The following CASP6 variants were observed in gnomAD, a reference collection of about 807,000 sequenced individuals.
CASP6 encodes caspase-6.
A neutral mutation model predicts 31.8 loss-of-function variants in CASP6; 20 were observed. That is an observed-to-expected ratio of 0.63 (90% CI 0.44 to 0.91). The LOEUF is 0.91. Among genes scored for constraint, CASP6 ranks in the 40% least tolerant of loss-of-function variants. The pLI, the probability that CASP6 is intolerant of heterozygous loss-of-function variation, is 0.00. For missense variants in CASP6, 328 were observed against 361.1 expected (o/e 0.91, Z 0.74); for synonymous variants, 130 against 127.8 (o/e 1.02, Z -0.12).
upstream of CASP6, among the ~76,000 whole-genome samples, chr4:109,706,211 T>A (rs1730617347): frequency 7.4e-6 from 1 of 135,794 alleles, no homozygotes; most frequent in Non-Finnish European, 1.5e-5. Context: ...TATACATAGG[T>A]ATATGCATAT....
At chr4:109,694,869 G>C (rs1437718723) in intron 4 of CASP6, among the ~76,000 whole-genome samples, 169 bp from the exon 5 acceptor site, 1 of 152,142 alleles carries the variant, frequency 6.6e-6, no homozygotes, top group Non-Finnish European at 1.5e-5. Flanking sequence ...TTCACTCTTG[G>C]TGCCCAGGGC....
upstream of CASP6, among the ~76,000 whole-genome samples, chr4:109,706,268 T>A (rs796484778): frequency 6.7e-6 from 1 of 149,242 alleles, no homozygotes; most frequent in Non-Finnish European, 1.5e-5. Context: ...CCAATCCTCA[T>A]CACTGATGTT....
upstream of CASP6, chr4:109,703,712 A>G (rs530844768): frequency 2.7e-4 from 130 of 476,040 alleles, no homozygotes; most frequent in African/African-American, 2.5e-3. Flanking sequence ...CCGGGGGGAC[A>G]CACAGACCGC....
the CASP6 span, chr4:109,673,981 A>C: frequency 1.0e-6 from 1 of 954,504 alleles, no homozygotes. Context: ...TGGATTACAC[A>C]AACTGAAGAG....
At chr4:109,691,143 A>ACATT (rs1422601834) in intron 5 of CASP6, 134 bp from the exon 6 acceptor site, 2 of 915,702 alleles carry the variant, frequency 2.2e-6, no homozygotes, top group African/African-American at 3.5e-5. Flanking sequence ...CAGAAGCAAT[A>ACATT]CATTCAGGTT....
chr4:109,693,082 T>C (rs1251575015), intron 5 of CASP6, among the ~76,000 whole-genome samples: 1 of 152,132 alleles, frequency 6.6e-6, no homozygotes, highest in Non-Finnish European at 1.5e-5. Flanking sequence ...TCTGGTTACT[T>C]AAGAGAGTCT....
chr4:109,705,677 G>A (rs118109721), upstream of CASP6, among the ~76,000 whole-genome samples: 777 of 151,928 alleles, frequency 5.1e-3, 36 homozygotes, highest in East Asian at 0.069. Context: ...AAAGAAAAAC[G>A]AAAAATTAAA....
At position 109,689,169 on chromosome 4, in the gene CASP6, C is replaced by T. The variant is rs947322683; in HGVS notation, c.*161G>A. The T allele has an allele frequency of 1.9e-5, 12 of 643,878 alleles. No individual in the cohort carries two copies. Among genetic ancestry groups the T allele is most frequent in the East Asian group, 1.1e-4 (4 of 37,034 alleles). 39.9% of individuals were successfully genotyped at this position (643,878 alleles called of 1,614,324 possible). A position where few individuals can be genotyped will look rare whatever the true frequency, so the allele number is the denominator to read the frequency against. ...TTTTTTTTTGCATTTTTAGTAGAGA[C>T]GGGGCTTCTCCATGTTGGTCAGGCT... is the stretch of plus-strand genomic sequence containing the variant. On this transcript the variant is annotated 3_prime_UTR_variant, in exon 7 of 7. Transcript: ENST00000265164.
At chr4:109,708,867 A>G in the CASP6 span, among the ~76,000 whole-genome samples, 21 of 152,342 alleles carry the variant, frequency 1.4e-4, no homozygotes, top group East Asian at 3.5e-3. Context: ...TTACAAATGT[A>G]TAATTTTAGC....
chr4:109,685,262 C>T (rs1435490032), downstream of CASP6: 2 of 1,383,828 alleles, frequency 1.4e-6, no homozygotes, highest in Non-Finnish European at 2.1e-6. Flanking sequence ...ATTATACTTA[C>T]TCAGCTGTTA....
intron 2 of CASP6, 44 bp downstream of exon 2, chr4:109,698,256 C>T: frequency 5.1e-6 from 8 of 1,571,408 alleles, no homozygotes; most frequent in Non-Finnish European, 6.9e-6. Context: ...CTGATCATGA[C>T]CATCAAAGGA....
chr4:109,696,592 T>G, intron 3 of CASP6, 106 bp from the exon 4 acceptor site: 1 of 671,550 alleles, frequency 1.5e-6, no homozygotes, highest in Non-Finnish European at 2.5e-6. Flanking sequence ...TAAATTTGCT[T>G]TCTTTAGGAG....
At chr4:109,696,647 A>G (rs983789239) in intron 3 of CASP6, among the ~76,000 whole-genome samples, 161 bp from the exon 4 acceptor site, 4 of 152,234 alleles carry the variant, frequency 2.6e-5, no homozygotes, top group South Asian at 2.1e-4. Context: ...TTCATTCACC[A>G]TGGTCGGAAA....
chr4:109,687,597 A>G (rs1332809608), downstream of CASP6: 1 of 1,587,938 alleles, frequency 6.3e-7, no homozygotes, highest in Non-Finnish European at 8.6e-7. Context: ...AATTAATCTT[A>G]CAGTTTTAAA....
chr4:109,702,801 T>C (rs866408388), intron 1 of CASP6: 1 of 152,802 alleles, frequency 6.5e-6, no homozygotes, highest in African/African-American at 2.4e-5. Flanking sequence ...AGAAGAGAGA[T>C]ACCGGGGTGT....
At chr4:109,682,869 C>T in the CASP6 span, 2 of 662,688 alleles carry the variant, frequency 3.0e-6, no homozygotes, top group African/African-American at 1.9e-5. Flanking sequence ...CACAAAAAAC[C>T]TGTAAGTTCA....
chr4:109,684,360 C>T, downstream of CASP6: 1 of 1,175,638 alleles, frequency 8.5e-7, no homozygotes, highest in East Asian at 2.5e-5. Context: ...CCGCGCCCGG[C>T]AAGAGTTCCT....
rs534020541 is a variant in CASP6 at position 109,700,076 on chromosome 4, A to G, written c.41-1734T>C. 5.3e-5 allele frequency among the ~76,000 whole-genome samples: 8 copies of G among 152,318 alleles called. No individual in the cohort carries two copies. The South Asian group carries it at 8.3e-4, about 16-fold the overall frequency. The stretch of plus-strand genomic sequence containing the variant: ...CTGCTCCATACTGACTGCTGAGCCG[A>G]AGGCGGCTCACAACCTAACTCATGG... On this transcript the variant is annotated intron_variant, in intron 1 of 6. Coordinates refer to ENST00000265164, the MANE Select transcript of CASP6 (RefSeq NM_001226.4).
chr4:109,709,473 A>G, the CASP6 span, among the ~76,000 whole-genome samples: 1 of 152,214 alleles, frequency 6.6e-6, no homozygotes, highest in African/African-American at 2.4e-5. Context: ...ATAGTTTTCC[A>G]TAAAAGTGAC....
Sources: allele counts gnomAD v4.1 joint callset (sites outside exome capture counted in the v4.1 genomes callset), GRCh38; gene constraint gnomAD v4.1.1; transcripts MANE v1.5; gene names NCBI Gene and HGNC (gene_info 2026-07-23, HGNC 2026-07-21).